YTHDC1: variants seen among roughly 807,000 people sequenced by gnomAD.
The protein encoded by YTHDC1 is YTH domain-containing protein 1.
YTHDC1 carries 12 observed loss-of-function variants against 107.0 expected under a neutral mutation model. That is an observed-to-expected ratio of 0.11 (90% CI 0.07 to 0.18). The LOEUF (loss-of-function observed/expected upper bound fraction) is 0.18. Among genes scored for constraint, YTHDC1 ranks in the 10% least tolerant of loss-of-function variants. YTHDC1 has a pLI of 1.00. For synonymous variants in YTHDC1, 280 were observed against 289.5 expected (o/e 0.97, Z 0.33); for missense variants, 635 against 898.8 (o/e 0.71, Z 3.75).
At position 68,337,146 on chromosome 4, in the gene YTHDC1, C is replaced by G. The variant is rs1408425168; in HGVS notation, c.764G>C (p.Arg255Thr). ...EEEEEYEQDE[R>T]DQKEEGNDYD... ...ATCATTTCCCTCCTCTTTCTGGTCT[C>G]TCTCATCCTGTTCATATTCTTCTTC... The change falls in exon 4 of 17, where the codon AGA (arginine) becomes ACA (threonine). Residue 255 changes from arginine (R) to threonine (T), a missense_variant. Around this residue, in one of 5 missense-constraint regions of YTHDC1, gnomAD observed 294 missense variants for 312.3 expected, o/e 0.94. Coordinates refer to ENST00000344157, the MANE Select transcript of YTHDC1 (RefSeq NM_001031732.4). 2 of 1,614,024 alleles carry G rather than the reference C, an allele frequency of 1.2e-6. No individual in the cohort carries two copies. Among genetic ancestry groups the G allele is most frequent in the East Asian group, 2.2e-5 (1 of 44,874 alleles).
At chr4:68,338,111 T>G (rs570029530) in intron 2 of YTHDC1, 172 bp downstream of exon 2, 3 of 904,056 alleles carry the variant, frequency 3.3e-6, no homozygotes, top group Non-Finnish European at 4.0e-6. Context: ...AAGTTTCATA[T>G]ATTAGAAAAA....
chr4:68,335,475 A>G (rs771160800), intron 4 of YTHDC1, among the ~76,000 whole-genome samples: 4 of 152,162 alleles, frequency 2.6e-5, no homozygotes. Context: ...TGTCTTCTCC[A>G]CAAAAACAAA....
chr4:68,342,733 A>C (rs1334529552), intron 1 of YTHDC1, among the ~76,000 whole-genome samples: 1 of 152,168 alleles, frequency 6.6e-6, no homozygotes, highest in Non-Finnish European at 1.5e-5. Context: ...CATACATTTT[A>C]ATTCATTTTT....
chr4:68,346,078 C>CAT lies in YTHDC1; in HGVS notation c.28+3646_28+3647dup, dbSNP rs34633749. ...GTGTGTGCACATGACTGTGTGTGTA[C>CAT]ATATATATATATATATATATATACA... is the stretch of plus-strand genomic sequence containing the variant. On this transcript the variant is annotated intron_variant, in intron 1 of 16. Transcript: ENST00000344157. Among the ~76,000 whole-genome samples the CAT allele has an allele frequency of 4.3e-3, 573 of 132,676 alleles. 4 individuals are homozygous for CAT. The highest frequency in any genetic ancestry group is 0.013 in the African/African-American group (442 of 34,306). The allele number at this position is 132,676 out of a possible 152,430, so 87.0% of individuals were successfully genotyped here. A position where few individuals can be genotyped will look rare whatever the true frequency, so the allele number is the denominator to read the frequency against.
intron 16 of YTHDC1, chr4:68,315,934 T>G (rs1447400076): frequency 6.4e-6 from 1 of 155,546 alleles, no homozygotes; most frequent in East Asian, 1.9e-4. Flanking sequence ...GCTAACTTAA[T>G]ATACACGATC....
chr4:68,332,327 A>G, intron 6 of YTHDC1, 130 bp from the exon 7 acceptor site: 1 of 515,914 alleles, frequency 1.9e-6, no homozygotes, highest in African/African-American at 2.0e-5. Flanking sequence ...CACCCATTCA[A>G]CCTGGAAGGC....
intron 9 of YTHDC1, among the ~76,000 whole-genome samples, chr4:68,326,762 T>C (rs1476541432): frequency 6.6e-6 from 1 of 151,664 alleles, no homozygotes; most frequent in Non-Finnish European, 1.5e-5. Context: ...GGCTAATTTT[T>C]GCATTTTTAG....
At chr4:68,332,404 C>G (rs1406682842) in intron 6 of YTHDC1, among the ~76,000 whole-genome samples, 1 of 152,056 alleles carries the variant, frequency 6.6e-6, no homozygotes, top group Non-Finnish European at 1.5e-5. Context: ...GTAAACCTAA[C>G]CTAGTGATGT....
At position 68,312,251 on chromosome 4, in the gene YTHDC1, G is replaced by A. The variant is rs1042700554; in HGVS notation, c.*1848C>T. On this transcript the variant is annotated 3_prime_UTR_variant, in exon 17 of 17. Coordinates refer to ENST00000344157, the MANE Select transcript of YTHDC1 (RefSeq NM_001031732.4). Reference sequence around the variant, plus strand: ...CTTGGGCAAGTTTACTAGCCTCTCTGAGCCCATTTAAATGAGTCTGTATAT... The same window carrying A: ...CTTGGGCAAGTTTACTAGCCTCTCTAAGCCCATTTAAATGAGTCTGTATAT... 3.9e-5 allele frequency: 6 copies of A among 152,242 alleles called. No homozygotes were observed. Among genetic ancestry groups the A allele is most frequent in the Middle Eastern group, 6.8e-3 (2 of 294 alleles). The allele number at this position is 152,242 out of a possible 1,614,324, so 9.4% of individuals were successfully genotyped here.
intron 2 of YTHDC1, 161 bp downstream of exon 2, chr4:68,338,122 A>G: frequency 2.3e-6 from 2 of 870,972 alleles, no homozygotes; most frequent in Non-Finnish European, 2.8e-6. Context: ...ATTAGAAAAA[A>G]ACAGATTATC....
intron 4 of YTHDC1, among the ~76,000 whole-genome samples, chr4:68,333,743 TACACACCAGGTAA>T (rs1325381412): frequency 9.9e-4 from 150 of 152,274 alleles, no homozygotes; most frequent in African/African-American, 3.5e-3. Context: ...GTGTCCTTTC[TACACACCAGGTAA>T]CACTGTCTTA....
chr4:68,318,073 A>G (rs17089267), intron 15 of YTHDC1, among the ~76,000 whole-genome samples: 77,967 of 152,076 alleles, frequency 0.51, 20,231 homozygotes, highest in South Asian at 0.62. Flanking sequence ...GAAAGACAGC[A>G]TACAATTATT....
chr4:68,334,061 T>G (rs1009696244), intron 4 of YTHDC1, among the ~76,000 whole-genome samples: 1 of 152,096 alleles, frequency 6.6e-6, no homozygotes, highest in African/African-American at 2.4e-5. Flanking sequence ...AAATCTTCAG[T>G]AAATAGAAAA....
intron 9 of YTHDC1, among the ~76,000 whole-genome samples, chr4:68,327,602 A>T (rs1400531403): frequency 5.9e-5 from 9 of 152,202 alleles, no homozygotes; most frequent in African/African-American, 2.2e-4. Flanking sequence ...GCTTAAGTCT[A>T]GTTATTATTA....
intron 1 of YTHDC1, among the ~76,000 whole-genome samples, chr4:68,346,551 T>C (rs1198829389): frequency 6.6e-6 from 1 of 152,192 alleles, no homozygotes; most frequent in Non-Finnish European, 1.5e-5. Context: ...AGTAGTGTGA[T>C]GAAATTACGC....
At chr4:68,332,964 C>CCA in intron 5 of YTHDC1, 117 bp from the exon 6 acceptor site, 6 of 832,154 alleles carry the variant, frequency 7.2e-6, no homozygotes, top group South Asian at 1.7e-5. Flanking sequence ...CCTGGCGCAC[C>CCA]CACACACACA....
Position 68,313,618 on chromosome 4 carries a change from G to A in YTHDC1, c.*481C>T, listed in dbSNP as rs551183607. 2 of 153,212 alleles carry A rather than the reference G, an allele frequency of 1.3e-5. No homozygotes were observed. The highest frequency in any genetic ancestry group is 2.9e-5 in the Non-Finnish European group (2 of 68,672). 9.5% of individuals were successfully genotyped at this position (153,212 alleles called of 1,614,324 possible). A position where few individuals can be genotyped will look rare whatever the true frequency, so the allele number is the denominator to read the frequency against. ...AAAGAGGCAATGGGGAAAAAAACAA[G>A]AGGCTGCTACAACACTGCCATACAG... On this transcript the variant is annotated 3_prime_UTR_variant, in exon 17 of 17. Transcript: ENST00000344157.
chr4:68,313,762 T>TC lies in YTHDC1; in HGVS notation c.*336dup. 1 of 257,458 alleles carries TC rather than the reference T, an allele frequency of 3.9e-6. No individual in the cohort carries two copies. The highest frequency in any genetic ancestry group is 8.3e-5 in the East Asian group (1 of 12,050). The allele number at this position is 257,458 out of a possible 1,614,324, so 15.9% of individuals were successfully genotyped here. ...ATATCATGGCAGTTATCAATCAAGA[T>TC]CCAAAAAGGAAAAAAACAAACAAAA... On this transcript the variant is annotated 3_prime_UTR_variant, in exon 17 of 17. Coordinates refer to ENST00000344157, the MANE Select transcript of YTHDC1 (RefSeq NM_001031732.4).
intron 7 of YTHDC1, 56 bp from the exon 8 acceptor site, chr4:68,330,366 T>G: frequency 8.2e-7 from 1 of 1,215,732 alleles, no homozygotes; most frequent in Non-Finnish European, 1.1e-6. Context: ...CTTTTGTGTT[T>G]CCAGTTATGT....
Sources: gnomAD v4.1 joint callset for allele counts (sites outside exome capture counted in the v4.1 genomes callset) on GRCh38, gnomAD v4.1.1 for gene constraint, gnomAD v4.1.1 regional missense constraint, MANE v1.5 for transcripts, NCBI Gene and HGNC (gene_info 2026-07-23, HGNC 2026-07-21) for gene names.